Variants in CSMD1 observed in about 807,000 individuals in gnomAD.
The protein encoded by CSMD1 is CUB and sushi domain-containing protein 1.
CSMD1 carries 213 observed loss-of-function variants against 417.5 expected under a neutral mutation model. That is an observed-to-expected ratio of 0.51 (90% CI 0.46 to 0.57). The LOEUF is 0.57. CSMD1 is among the 20% of genes least tolerant of loss of function. The pLI, the probability that CSMD1 is intolerant of heterozygous loss-of-function variation, is 0.00. For missense variants in CSMD1, 6,923 were observed against 4,529.7 expected (o/e 1.53, Z -15.17); for synonymous variants, 2,862 against 1,736.8 (o/e 1.65, Z -16.11).
At chr8:2,971,645 T>C (rs1443795800) in intron 57 of CSMD1, among the ~76,000 whole-genome samples, 1 of 152,200 alleles carries the variant, frequency 6.6e-6, no homozygotes, top group Non-Finnish European at 1.5e-5. Flanking sequence ...TAGAAAACAC[T>C]CTGGTTTTGG....
At chr8:3,703,232 T>A (rs1372837497) in intron 7 of CSMD1, among the ~76,000 whole-genome samples, 2 of 152,186 alleles carry the variant, frequency 1.3e-5, no homozygotes, top group East Asian at 3.9e-4. Context: ...CTCTAAAGAC[T>A]ACAGTCGCGC....
chr8:4,039,672 C>T (rs1033582237), intron 3 of CSMD1, among the ~76,000 whole-genome samples: 1 of 152,114 alleles, frequency 6.6e-6, no homozygotes, highest in Admixed American at 6.5e-5. Context: ...CTGAGAATAA[C>T]TCAATGAGGA....
At chr8:4,502,187 G>T (rs1445938702) in intron 2 of CSMD1, among the ~76,000 whole-genome samples, 1 of 152,006 alleles carries the variant, frequency 6.6e-6, no homozygotes, top group Admixed American at 6.6e-5. Context: ...TCATTCTTAT[G>T]AACAGAAACA....
At chr8:4,134,617 G>A (rs1314333687) in intron 3 of CSMD1, among the ~76,000 whole-genome samples, 1 of 152,136 alleles carries the variant, frequency 6.6e-6, no homozygotes, top group Non-Finnish European at 1.5e-5. Context: ...CTACACACGT[G>A]CTACCTGATT....
At chr8:2,973,818 G>A (rs1804673642) in intron 56 of CSMD1, among the ~76,000 whole-genome samples, 1 of 151,646 alleles carries the variant, frequency 6.6e-6, no homozygotes, top group Admixed American at 6.6e-5. Context: ...GGTTAATGGT[G>A]GTAGAGGATG....
chr8:4,540,736 C>T (rs898170559), intron 2 of CSMD1, among the ~76,000 whole-genome samples: 1 of 152,106 alleles, frequency 6.6e-6, no homozygotes, highest in Non-Finnish European at 1.5e-5. Flanking sequence ...TAAGCTGTGC[C>T]AGGTACTAAG....
intron 1 of CSMD1, among the ~76,000 whole-genome samples, chr8:4,892,679 A>G (rs1804200466): frequency 6.6e-6 from 1 of 152,044 alleles, no homozygotes; most frequent in Admixed American, 6.6e-5. Context: ...TTTTCTATGC[A>G]TTCATATAGT....
chr8:4,023,894 G>C (rs1796925210), intron 4 of CSMD1, among the ~76,000 whole-genome samples: 1 of 150,744 alleles, frequency 6.6e-6, no homozygotes, highest in South Asian at 2.1e-4. Flanking sequence ...TGGGATTACA[G>C]GCGTGAGCCA....
At chr8:3,570,069 T>G (rs1397389645) in intron 10 of CSMD1, among the ~76,000 whole-genome samples, 2 of 152,182 alleles carry the variant, frequency 1.3e-5, no homozygotes, top group African/African-American at 4.8e-5. Flanking sequence ...AGAAGAGAAT[T>G]GTATAAACCC....
chr8:3,141,063 C>G (rs1236621800), intron 41 of CSMD1, among the ~76,000 whole-genome samples: 1 of 152,172 alleles, frequency 6.6e-6, no homozygotes, highest in Non-Finnish European at 1.5e-5. Flanking sequence ...CAATGGGACT[C>G]TCTGTGTCCT....
At chr8:3,369,060 G>A (rs1240130994) in intron 19 of CSMD1, among the ~76,000 whole-genome samples, 194 bp downstream of exon 19, 1 of 152,066 alleles carries the variant, frequency 6.6e-6, no homozygotes, top group Admixed American at 6.5e-5. Context: ...AGCAAAACGG[G>A]GAATGGTTTT....
intron 10 of CSMD1, among the ~76,000 whole-genome samples, chr8:3,496,335 T>G (rs932209122): frequency 2.0e-5 from 3 of 152,168 alleles, no homozygotes; most frequent in African/African-American, 7.2e-5. Flanking sequence ...CTGCCTGCCC[T>G]GCAGAGCTCC....
At chr8:3,900,463 C>T (rs1432840331) in intron 5 of CSMD1, among the ~76,000 whole-genome samples, 1 of 151,470 alleles carries the variant, frequency 6.6e-6, no homozygotes, top group Non-Finnish European at 1.5e-5. Flanking sequence ...AACAGTGCAG[C>T]TGGGTGACAC....
At chr8:3,357,448 G>A (rs1313202344) in intron 21 of CSMD1, among the ~76,000 whole-genome samples, 1 of 152,242 alleles carries the variant, frequency 6.6e-6, no homozygotes, top group African/African-American at 2.4e-5. Flanking sequence ...GCCTGAAGCA[G>A]TGCCTAGTCT....
chr8:3,909,818 G>C (rs1013360986), intron 5 of CSMD1, among the ~76,000 whole-genome samples: 2 of 152,108 alleles, frequency 1.3e-5, no homozygotes, highest in Non-Finnish European at 2.9e-5. Flanking sequence ...ATTTTGCATG[G>C]TGATTGTAAT....
intron 1 of CSMD1, among the ~76,000 whole-genome samples, chr8:4,757,296 G>A (rs991850011): frequency 1.3e-5 from 2 of 152,126 alleles, no homozygotes; most frequent in African/African-American, 2.4e-5. Context: ...AAAGATATAC[G>A]TGACTAATCA....
At chr8:3,295,940 T>C (rs1803930514) in intron 25 of CSMD1, among the ~76,000 whole-genome samples, 1 of 152,068 alleles carries the variant, frequency 6.6e-6, no homozygotes, top group Non-Finnish European at 1.5e-5. Context: ...TTTGCATACA[T>C]CTGCCAAGTT....
intron 3 of CSMD1, among the ~76,000 whole-genome samples, chr8:4,176,958 T>G (rs28604906): frequency 0.29 from 43,597 of 150,808 alleles, 6,551 homozygotes; most frequent in South Asian, 0.42. Context: ...CAAAGAGACT[T>G]AGACTCCCAC....
intron 5 of CSMD1, among the ~76,000 whole-genome samples, chr8:3,935,007 T>G (rs1484792054): frequency 6.6e-6 from 1 of 152,180 alleles, no homozygotes; most frequent in Non-Finnish European, 1.5e-5. Context: ...CATAATCAAG[T>G]GCATGGAGTA....
Sources: gnomAD v4.1 joint callset for allele counts (sites outside exome capture counted in the v4.1 genomes callset) on GRCh38, gnomAD v4.1.1 for gene constraint, MANE v1.5 for transcripts, NCBI Gene and HGNC (gene_info 2026-07-23, HGNC 2026-07-21) for gene names.